The following PDCD6 variants were observed in gnomAD, a reference collection of about 807,000 sequenced individuals.
The protein encoded by PDCD6 is programmed cell death 6.
In PDCD6, 12 loss-of-function variants were observed where a neutral mutation model predicts 28.3. The ratio of observed to expected loss-of-function variants is 0.42; its 90% confidence interval spans 0.27 to 0.69. The LOEUF (loss-of-function observed/expected upper bound fraction) is 0.69, where lower values mean the gene tolerates loss of function less well. Among genes scored for constraint, PDCD6 ranks in the 30% least tolerant of loss-of-function variants. The pLI, the probability that PDCD6 is intolerant of heterozygous loss-of-function variation, is 0.22. For missense variants in PDCD6, 226 were observed against 269.9 expected (o/e 0.84, Z 1.14); for synonymous variants, 92 against 108.0 (o/e 0.85, Z 0.92).
chr5:314,203 G>T (rs189677926), intron 5 of PDCD6, among the ~76,000 whole-genome samples: 1 of 152,322 alleles, frequency 6.6e-6, no homozygotes. Flanking sequence ...CTGGATGTCC[G>T]GAGCCAGCCC....
Position 271,909 on chromosome 5 carries a change from T to A in PDCD6, c.101+88T>A, listed in dbSNP as rs1378209526. 3 of 645,794 alleles carry A rather than the reference T, an allele frequency of 4.6e-6. No individual in the cohort carries two copies. The African/African-American group carries it at 5.8e-5, about 12-fold the overall frequency. The allele number at this position is 645,794 out of a possible 1,614,324, so 40.0% of individuals were successfully genotyped here. A position where few individuals can be genotyped will look rare whatever the true frequency, so the allele number is the denominator to read the frequency against. On this transcript the variant is annotated intron_variant, in intron 1 of 5. Transcript: ENST00000264933. ...GACTCCCCCGACCAACCCCGTTCCC[T>A]GCCGGTTCTACTGCGGCCTCCTCCG...
At chr5:272,251 GCCT>G (rs1387467971) in intron 1 of PDCD6, among the ~76,000 whole-genome samples, 7 of 91,888 alleles carry the variant, frequency 7.6e-5, no homozygotes, top group Non-Finnish European at 1.2e-4. Context: ...GAAACAGACT[GCCT>G]GGGCGCTGTT....
At position 271,690 on chromosome 5, in the gene PDCD6, G is replaced by A. The variant is rs1470316696; in HGVS notation, c.-31G>A. ...GCCTGAGAGGTCTCTCGTCGCTGCA[G>A]GCGCCTCAGCCCAGCCGCGTGCCTT... On this transcript the variant is annotated 5_prime_UTR_variant, in exon 1 of 6. Coordinates refer to ENST00000264933, the MANE Select transcript of PDCD6 (RefSeq NM_013232.4). 3.0e-6 allele frequency: 4 copies of A among 1,338,978 alleles called. No homozygotes were observed. Among genetic ancestry groups the A allele is most frequent in the East Asian group, 2.6e-5 (1 of 38,862 alleles). 82.9% of individuals were successfully genotyped at this position (1,338,978 alleles called of 1,614,324 possible). A position where few individuals can be genotyped will look rare whatever the true frequency, so the allele number is the denominator to read the frequency against.
rs149503054 is a variant in PDCD6 at position 281,045 on chromosome 5, C to T, written c.163+8273C>T. 4.3e-3 allele frequency among the ~76,000 whole-genome samples: 651 copies of T among 152,350 alleles called. 2 individuals are homozygous for T. Among genetic ancestry groups the T allele is most frequent in the Non-Finnish European group, 5.6e-3 (384 of 68,030 alleles). Reference sequence around the variant, plus strand: ...CTGCACAGGCAGAGAGAAATAAGATCGCATCTACAGCTGTGTGGTGATTTT... The same window carrying T: ...CTGCACAGGCAGAGAGAAATAAGATTGCATCTACAGCTGTGTGGTGATTTT... On this transcript the variant is annotated intron_variant, in intron 2 of 5. Transcript: ENST00000264933.
At position 271,739 on chromosome 5, in the gene PDCD6, CGCCCCGGCCCTG is replaced by C. The variant is rs1737809787; in HGVS notation, c.21_32del (p.Pro8_Gly11del). 6.5e-7 allele frequency: 1 copy of C among 1,531,058 alleles called. No homozygotes were observed. The allele number at this position is 1,531,058 out of a possible 1,614,324, so 94.8% of individuals were successfully genotyped here. A position where few individuals can be genotyped will look rare whatever the true frequency, so the allele number is the denominator to read the frequency against. ...TTGGCCCATGGCCGCCTACTCTTACCGCCCCGGCCCTGGGGCCGGCCCTGGGCCTGCTGCAGG... is the reference window on the plus strand; with the variant it reads ...TTGGCCCATGGCCGCCTACTCTTACCGGGCCGGCCCTGGGCCTGCTGCAGG... On this transcript the variant is annotated inframe_deletion, in exon 1 of 6. Coordinates refer to ENST00000264933, the MANE Select transcript of PDCD6 (RefSeq NM_013232.4).
At chr5:279,406 G>A (rs1033539721) in intron 2 of PDCD6, among the ~76,000 whole-genome samples, 1 of 152,106 alleles carries the variant, frequency 6.6e-6, no homozygotes, top group Non-Finnish European at 1.5e-5. Flanking sequence ...CGTGCCCCAG[G>A]GAACGGCGGC....
intron 2 of PDCD6, among the ~76,000 whole-genome samples, chr5:295,819 A>G (rs181524818): frequency 3.8e-4 from 56 of 147,306 alleles, no homozygotes; most frequent in African/African-American, 1.3e-3. Context: ...GTTACTGCCA[A>G]TGAAGAAGGC....
rs1738581881 is a variant in PDCD6 at position 281,822 on chromosome 5, A to G, written c.163+9050A>G. ...AACCAGACAGGAGCTGATGTTATAG[A>G]TTGAGCATTGTGCAGCTGAAGACTC... On this transcript the variant is annotated intron_variant, in intron 2 of 5. Transcript: ENST00000264933. Among the ~76,000 whole-genome samples, 7 of 150,950 alleles carry G rather than the reference A, an allele frequency of 4.6e-5. No individual in the cohort carries two copies. In the South Asian group the frequency reaches 1.5e-3, roughly 32 times the overall value.
At chr5:311,092 G>A (rs1360663570) in intron 4 of PDCD6, 25 of 548,614 alleles carry the variant, frequency 4.6e-5, no homozygotes, top group Non-Finnish European at 7.2e-5. Context: ...TCCATGCACT[G>A]GGGATGTCAG....
At chr5:302,030 C>T (rs1336379215) in intron 2 of PDCD6, among the ~76,000 whole-genome samples, 1 of 134,652 alleles carries the variant, frequency 7.4e-6, no homozygotes, top group East Asian at 2.2e-4. Flanking sequence ...AGCACAGCTT[C>T]CCTGCATAAC....
chr5:312,653 A>G (rs1740995184), intron 5 of PDCD6, among the ~76,000 whole-genome samples: 1 of 152,064 alleles, frequency 6.6e-6, no homozygotes, highest in Non-Finnish European at 1.5e-5. Context: ...AACACTTTCA[A>G]AAAAGTGTAG....
intron 2 of PDCD6, among the ~76,000 whole-genome samples, chr5:292,948 C>T (rs532854314): frequency 3.3e-5 from 5 of 152,346 alleles, no homozygotes; most frequent in South Asian, 2.1e-4. Context: ...GACACATCCA[C>T]GTTTGGCTCC....
chr5:291,548 T>C (rs1739315043), intron 2 of PDCD6, among the ~76,000 whole-genome samples: 1 of 151,000 alleles, frequency 6.6e-6, no homozygotes, highest in Non-Finnish European at 1.5e-5. Context: ...TTTTCATTGC[T>C]GCGTGATCTC....
chr5:296,814 CTG>C (rs1353222683), intron 2 of PDCD6, among the ~76,000 whole-genome samples: 1 of 152,076 alleles, frequency 6.6e-6, no homozygotes, highest in African/African-American at 2.4e-5. Flanking sequence ...TTCTGAGAGT[CTG>C]TTTTCATCGA....
chr5:313,538 T>G (rs1283231352), intron 5 of PDCD6, among the ~76,000 whole-genome samples: 1 of 151,942 alleles, frequency 6.6e-6, no homozygotes, highest in Non-Finnish European at 1.5e-5. Flanking sequence ...AACAGCTCAC[T>G]GCAGCCTTGA....
At chr5:292,857 C>T (rs1032877157) in intron 2 of PDCD6, among the ~76,000 whole-genome samples, 1 of 152,220 alleles carries the variant, frequency 6.6e-6, no homozygotes, top group Non-Finnish European at 1.5e-5. Flanking sequence ...GTTGGCTCAG[C>T]TGAACGCACC....
intron 2 of PDCD6, among the ~76,000 whole-genome samples, chr5:277,448 C>T (rs1467358062): frequency 1.3e-5 from 2 of 151,890 alleles, no homozygotes; most frequent in African/African-American, 4.8e-5. Context: ...ACTACAGGCA[C>T]CCGCCACCAT....
At chr5:278,626 T>C (rs2126688414) in intron 2 of PDCD6, among the ~76,000 whole-genome samples, 1 of 150,202 alleles carries the variant, frequency 6.7e-6, no homozygotes, top group South Asian at 2.1e-4. Flanking sequence ...GGAGGGAGAA[T>C]TGCTTCAGCC....
At chr5:288,292 T>TAATATA (rs56208909) in intron 2 of PDCD6, among the ~76,000 whole-genome samples, 37 of 107,110 alleles carry the variant, frequency 3.5e-4, no homozygotes, top group African/African-American at 1.0e-3. Context: ...AATATATATA[T>TAATATA]TATATATATA....
Sources: gnomAD v4.1 joint callset for allele counts (sites outside exome capture counted in the v4.1 genomes callset) on GRCh38, gnomAD v4.1.1 for gene constraint, MANE v1.5 for transcripts, NCBI Gene and HGNC (gene_info 2026-07-23, HGNC 2026-07-21) for gene names.